The following CIMIP7 variants were observed in gnomAD, a reference collection of about 807,000 sequenced individuals.
CIMIP7 encodes ciliary microtubule inner protein 7, also known as uncharacterized protein C3orf84.
At chr3:49,189,696 A>G in the CIMIP7 span, among the ~76,000 whole-genome samples, 1 of 152,342 alleles carries the variant, frequency 6.6e-6, no homozygotes, top group Admixed American at 6.5e-5. Flanking sequence ...CTTAGCATTA[A>G]GGAATCTGAA....
chr3:49,182,205 G>A, the CIMIP7 span, among the ~76,000 whole-genome samples: 1 of 152,234 alleles, frequency 6.6e-6, no homozygotes, highest in Non-Finnish European at 1.5e-5. Context: ...GGGGACCAAA[G>A]CGGGTTGCCA....
chr3:49,189,752 C>T, the CIMIP7 span: 4 of 558,432 alleles, frequency 7.2e-6, no homozygotes, highest in Non-Finnish European at 1.4e-5. Context: ...TTCCTGGGTT[C>T]TAGAGGCTCT....
chr3:49,190,946 C>T, the CIMIP7 span, among the ~76,000 whole-genome samples: 2 of 152,160 alleles, frequency 1.3e-5, no homozygotes, highest in East Asian at 1.9e-4. Flanking sequence ...GGATTACAGG[C>T]GTGAGCCACT....
At chr3:49,191,545 T>C in the CIMIP7 span, 3 of 695,122 alleles carry the variant, frequency 4.3e-6, no homozygotes, top group Admixed American at 6.0e-5. Context: ...CCATGATGCA[T>C]GGAAGGGGGC....
the CIMIP7 span, chr3:49,190,053 G>T: frequency 1.9e-5 from 30 of 1,613,700 alleles, no homozygotes; most frequent in Non-Finnish European, 2.3e-5. Flanking sequence ...CACTGCTGGA[G>T]GCTGGGGCTT....
the CIMIP7 span, chr3:49,191,654 A>C: frequency 2.1e-6 from 3 of 1,452,052 alleles, no homozygotes; most frequent in Non-Finnish European, 2.9e-6. Flanking sequence ...ATGCCAAATG[A>C]AAACCTTTTC....
chr3:49,188,308 G>A, the CIMIP7 span, among the ~76,000 whole-genome samples: 1 of 152,208 alleles, frequency 6.6e-6, no homozygotes, highest in Non-Finnish European at 1.5e-5. Flanking sequence ...GTAGGACCTG[G>A]CAAAAGGCTG....
At chr3:49,180,766 T>C in the CIMIP7 span, among the ~76,000 whole-genome samples, 2 of 151,228 alleles carry the variant, frequency 1.3e-5, no homozygotes, top group African/African-American at 2.4e-5. Context: ...CCGTCTCTAC[T>C]AAAAATACAA....
At chr3:49,182,799 G>C in the CIMIP7 span, among the ~76,000 whole-genome samples, 23 of 152,296 alleles carry the variant, frequency 1.5e-4, no homozygotes, top group African/African-American at 4.8e-4. Flanking sequence ...TGCAGGTCCC[G>C]AGCCCTGCCC....
chr3:49,191,821 G>C, the CIMIP7 span: 15 of 1,524,760 alleles, frequency 9.8e-6, no homozygotes, highest in African/African-American at 1.9e-4. Flanking sequence ...GTCTTTTGGA[G>C]GGTATCTTCA....
chr3:49,188,968 T>G, the CIMIP7 span, among the ~76,000 whole-genome samples: 18 of 151,390 alleles, frequency 1.2e-4, no homozygotes, highest in Non-Finnish European at 2.1e-4. Flanking sequence ...CCGGTTATTT[T>G]TTTTTTTTTT....
chr3:49,189,710 G>A, the CIMIP7 span: 1 of 459,940 alleles, frequency 2.2e-6, no homozygotes, highest in Non-Finnish European at 4.2e-6. Flanking sequence ...ATCTGAATGT[G>A]AAGGTAGTTG....
At chr3:49,185,211 A>G in the CIMIP7 span, among the ~76,000 whole-genome samples, 12 of 150,838 alleles carry the variant, frequency 8.0e-5, no homozygotes, top group East Asian at 2.4e-3. Context: ...TGGTGAGCCG[A>G]GATCACGACA....
chr3:49,177,858 C>T, the CIMIP7 span: 2 of 1,613,644 alleles, frequency 1.2e-6, no homozygotes, highest in Non-Finnish European at 1.7e-6. Context: ...GCTGGACCTG[C>T]ACAAAGTGGA....
chr3:49,178,003 C>T, the CIMIP7 span: 274 of 1,611,570 alleles, frequency 1.7e-4, 1 homozygote, highest in South Asian at 2.4e-3. Context: ...CTGCCACAGG[C>T]GCTCCAGGTC....
the CIMIP7 span, among the ~76,000 whole-genome samples, chr3:49,186,157 C>T: frequency 1.3e-5 from 2 of 149,254 alleles, no homozygotes; most frequent in Non-Finnish European, 3.0e-5. Flanking sequence ...TGCACCACCA[C>T]CCTGGCTAAT....
At chr3:49,189,791 C>G in the CIMIP7 span, 2 of 676,556 alleles carry the variant, frequency 3.0e-6, no homozygotes, top group Non-Finnish European at 5.6e-6. Context: ...CCCGGCTAGG[C>G]CCTTACCCTT....
At chr3:49,180,732 C>T in the CIMIP7 span, among the ~76,000 whole-genome samples, 3 of 151,148 alleles carry the variant, frequency 2.0e-5, no homozygotes. Context: ...AGATCGAGAC[C>T]ATCCTGGCTA....
chr3:49,186,121 C>G, the CIMIP7 span, among the ~76,000 whole-genome samples: 1 of 152,002 alleles, frequency 6.6e-6, no homozygotes, highest in South Asian at 2.1e-4. Flanking sequence ...CTGCCTCAGC[C>G]TCCCAAGTAG....
Sources: gnomAD v4.1 joint callset for allele counts (sites outside exome capture counted in the v4.1 genomes callset) on GRCh38, gnomAD v4.1.1 for gene constraint, MANE v1.5 for transcripts, NCBI Gene and HGNC (gene_info 2026-07-23, HGNC 2026-07-21) for gene names.